The following WDFY3 variants were observed in gnomAD, a reference collection of about 807,000 sequenced individuals.
The protein encoded by WDFY3 is WD repeat and FYVE domain containing 3, also known as WD repeat and FYVE domain-containing protein 3.
In WDFY3, 66 loss-of-function variants were observed where a neutral mutation model predicts 409.6. The observed-to-expected ratio is 0.16, with a 90% CI of 0.13 to 0.20. The LOEUF is 0.20. Among genes scored for constraint, WDFY3 ranks in the 10% least tolerant of loss-of-function variants. The pLI is 1.00. For missense variants in WDFY3, 3,031 were observed against 4,298.1 expected (o/e 0.71, Z 8.24); for synonymous variants, 1,521 against 1,537.1 (o/e 0.99, Z 0.25).
intron 44 of WDFY3, 115 bp downstream of exon 44, chr4:84,733,267 G>A: frequency 8.5e-7 from 1 of 1,178,368 alleles, no homozygotes. Flanking sequence ...AATAGCGTAT[G>A]TTGAATTTTT....
chr4:84,827,403 A>AT (rs1755018001), intron 9 of WDFY3, among the ~76,000 whole-genome samples: 1 of 152,010 alleles, frequency 6.6e-6, no homozygotes, highest in Non-Finnish European at 1.5e-5. Flanking sequence ...GTTGTAACCT[A>AT]TTTTTTTCCT....
chr4:84,876,878 T>A (rs1762857189), intron 3 of WDFY3, among the ~76,000 whole-genome samples: 1 of 152,188 alleles, frequency 6.6e-6, no homozygotes, highest in Non-Finnish European at 1.5e-5. Context: ...TTGCAGGACA[T>A]CTTACGTATC....
intron 23 of WDFY3, among the ~76,000 whole-genome samples, chr4:84,787,235 A>G (rs187506882): frequency 2.0e-5 from 3 of 152,206 alleles, no homozygotes; most frequent in Admixed American, 6.5e-5. Flanking sequence ...GCATATACCT[A>G]TATCTCAGAG....
intron 3 of WDFY3, among the ~76,000 whole-genome samples, chr4:84,866,496 A>G (rs940397558): frequency 6.6e-6 from 1 of 152,194 alleles, no homozygotes; most frequent in Non-Finnish European, 1.5e-5. Context: ...CCTTTCCACC[A>G]CGTCCTAGAT....
At chr4:84,765,071 A>G (rs1360319358) in intron 32 of WDFY3, among the ~76,000 whole-genome samples, 3 of 152,306 alleles carry the variant, frequency 2.0e-5, no homozygotes, top group South Asian at 4.1e-4. Context: ...AAACAATTAG[A>G]TATGATTTAC....
intron 16 of WDFY3, 109 bp from the exon 17 acceptor site, chr4:84,801,973 G>A (rs138573106): frequency 0.016 from 16,696 of 1,053,524 alleles, 176 homozygotes; most frequent in Non-Finnish European, 0.019. Context: ...TTGAGACGGA[G>A]TTTCGCTCTT....
At chr4:84,752,325 C>T (rs1378013328) in intron 35 of WDFY3, among the ~76,000 whole-genome samples, 1 of 152,008 alleles carries the variant, frequency 6.6e-6, no homozygotes, top group Non-Finnish European at 1.5e-5. Flanking sequence ...ACTAGCCTGG[C>T]CAACATGGCG....
chr4:84,855,486 A>T (rs544798298), intron 4 of WDFY3, among the ~76,000 whole-genome samples: 41 of 152,304 alleles, frequency 2.7e-4, no homozygotes, highest in African/African-American at 9.9e-4. Context: ...GCACTCAGGG[A>T]AAGCAAATTA....
intron 3 of WDFY3, among the ~76,000 whole-genome samples, chr4:84,881,881 C>CAA (rs1360342578): frequency 1.5e-4 from 18 of 117,800 alleles, no homozygotes; most frequent in African/African-American, 4.4e-4. Flanking sequence ...ACCCTGTCTC[C>CAA]AAAAAAAAAA....
intron 30 of WDFY3, among the ~76,000 whole-genome samples, chr4:84,769,575 C>T (rs372063981): frequency 1.3e-5 from 2 of 152,074 alleles, no homozygotes; most frequent in Middle Eastern, 3.4e-3. Flanking sequence ...CCACCATGCC[C>T]GGCTAATTTT....
At chr4:84,913,801 C>A (rs1332316708) in intron 2 of WDFY3, among the ~76,000 whole-genome samples, 1 of 151,416 alleles carries the variant, frequency 6.6e-6, no homozygotes, top group African/African-American at 2.4e-5. Flanking sequence ...TGTAACATGA[C>A]ACCAAGTGTG....
chr4:84,794,240 C>T (rs1456466771), intron 21 of WDFY3, among the ~76,000 whole-genome samples: 1 of 152,120 alleles, frequency 6.6e-6, no homozygotes, highest in African/African-American at 2.4e-5. Context: ...TACCAAAATA[C>T]ATCAAACAAG....
intron 6 of WDFY3, among the ~76,000 whole-genome samples, chr4:84,838,378 G>A (rs1756881988): frequency 6.6e-6 from 1 of 152,196 alleles, no homozygotes; most frequent in Admixed American, 6.5e-5. Flanking sequence ...CCTACAAAGT[G>A]TGTATGCTCA....
intron 10 of WDFY3, among the ~76,000 whole-genome samples, chr4:84,825,836 TAGTA>T: frequency 6.6e-6 from 1 of 152,266 alleles, no homozygotes. Context: ...ATTGAATACT[TAGTA>T]AGTGACAGTC....
At chr4:84,713,664 A>G (rs1247920812) in intron 50 of WDFY3, among the ~76,000 whole-genome samples, 3 of 152,214 alleles carry the variant, frequency 2.0e-5, no homozygotes, top group Non-Finnish European at 4.4e-5. Context: ...TCTGAAATAT[A>G]AAATTTTCTA....
At chr4:84,861,346 A>C (rs1290102921) in intron 3 of WDFY3, among the ~76,000 whole-genome samples, 1 of 152,172 alleles carries the variant, frequency 6.6e-6, no homozygotes, top group Non-Finnish European at 1.5e-5. Flanking sequence ...AAAAACCCCA[A>C]AACCTCACAA....
intron 30 of WDFY3, among the ~76,000 whole-genome samples, chr4:84,770,770 C>T (rs1744541388): frequency 1.3e-5 from 2 of 152,156 alleles, no homozygotes; most frequent in Admixed American, 6.5e-5. Flanking sequence ...AATTTTTCTA[C>T]AATAAAGTAA....
At chr4:84,950,888 T>A (rs1773521229) in intron 1 of WDFY3, among the ~76,000 whole-genome samples, 1 of 152,206 alleles carries the variant, frequency 6.6e-6, no homozygotes, top group Admixed American at 6.5e-5. Flanking sequence ...AAGTGTCAAA[T>A]GTACTCAGCT....
intron 2 of WDFY3, among the ~76,000 whole-genome samples, chr4:84,899,182 A>G (rs971261413): frequency 5.3e-5 from 8 of 152,244 alleles, no homozygotes; most frequent in Non-Finnish European, 8.8e-5. Context: ...GTTTGACTGC[A>G]TCTTAACTAA....
Sources: gnomAD v4.1 joint callset for allele counts (sites outside exome capture counted in the v4.1 genomes callset) on GRCh38, gnomAD v4.1.1 for gene constraint, MANE v1.5 for transcripts, NCBI Gene and HGNC (gene_info 2026-07-23, HGNC 2026-07-21) for gene names.